KDM5A: variants seen among roughly 807,000 people sequenced by gnomAD.
KDM5A encodes lysine demethylase 5A.
KDM5A carries 42 observed loss-of-function variants against 193.5 expected under a neutral mutation model. That is an observed-to-expected ratio of 0.22 (90% CI 0.17 to 0.28). The LOEUF (loss-of-function observed/expected upper bound fraction) is 0.28, where lower values mean the gene tolerates loss of function less well. Ranked by LOEUF, KDM5A falls within the 10% of genes least tolerant of loss-of-function variation. The pLI is 1.00. For missense variants in KDM5A, 1,692 were observed against 2,055.1 expected, an observed-to-expected ratio of 0.82 and a Z score of 3.42; for synonymous variants, 796 against 718.1, an observed-to-expected ratio of 1.11 and a Z score of -1.73.
At chr12:315,971 T>C (rs1943646621) in intron 19 of KDM5A, among the ~76,000 whole-genome samples, 1 of 152,058 alleles carries the variant, frequency 6.6e-6, no homozygotes, top group African/African-American at 2.4e-5. Context: ...AGCCAAGAAA[T>C]TAAATGAAAT....
chr12:330,054 A>AGTGTGTGTGTGTGTGT (rs148451707), intron 13 of KDM5A, among the ~76,000 whole-genome samples: 183 of 142,332 alleles, frequency 1.3e-3, no homozygotes, highest in Admixed American at 0.012. Context: ...CAAAGGAAAA[A>AGTGTGTGTGTGTGTGT]GTGTGTGTGT....
rs1182592326 is a variant in KDM5A at position 320,505 on chromosome 12, A to G, written c.2541+490T>C. On this transcript the variant is annotated intron_variant, in intron 18 of 27. Transcript: ENST00000399788. Reference sequence around the variant, plus strand: ...AGCGAGACTCCCATCTCAAAAACAAAAACAAAAATAAAAAACACTATTTTA... The same window carrying G: ...AGCGAGACTCCCATCTCAAAAACAAGAACAAAAATAAAAAACACTATTTTA... 2.0e-5 allele frequency among the ~76,000 whole-genome samples: 3 copies of G among 152,298 alleles called. No homozygotes were observed. In the East Asian group the frequency reaches 5.8e-4, roughly 29 times the overall value.
In KDM5A at chr12:354,054, T is replaced by A. The variant is rs777341780; in HGVS notation, c.1029+22A>T. On this transcript the variant is annotated intron_variant, in intron 8 of 27. Transcript: ENST00000399788. ...ATTATTATTTTTAGTTAAAAAAGGATCCATAGAGGTTAGACGTGTACCTCG... is the reference window on the plus strand; with the variant it reads ...ATTATTATTTTTAGTTAAAAAAGGAACCATAGAGGTTAGACGTGTACCTCG... The A allele has an allele frequency of 5.0e-6, 8 of 1,598,312 alleles. No individual in the cohort carries two copies. In the South Asian group the frequency reaches 8.8e-5, roughly 18 times the overall value.
Position 297,219 on chromosome 12 carries a change from G to T in KDM5A, c.4075-19C>A. The T allele has an allele frequency of 6.2e-7, 1 of 1,612,684 alleles. No homozygotes were observed. Among genetic ancestry groups the T allele is most frequent in the Non-Finnish European group, 8.5e-7 (1 of 1,178,940 alleles). ...CTGTGTCCTGAAGAAGAAACAAAGA[G>T]AAGTATTCAGAATTAGAGTCATTTA... On this transcript the variant is annotated intron_variant, in intron 24 of 27. Coordinates refer to ENST00000399788, the MANE Select transcript of KDM5A (RefSeq NM_001042603.3).
chr12:356,287 A>C, intron 6 of KDM5A, 145 bp downstream of exon 6: 1 of 658,182 alleles, frequency 1.5e-6, no homozygotes, highest in South Asian at 1.7e-5. Flanking sequence ...TCTGGCATTA[A>C]AAAAGGCGAT....
Position 307,914 on chromosome 12 carries a change from C to A in KDM5A, c.3470G>T (p.Arg1157Leu), listed in dbSNP as rs779176655. 6.2e-7 allele frequency: 1 copy of A among 1,614,144 alleles called. No homozygotes were observed. Residue 1157 changes from arginine (R) to leucine (L), a missense_variant, in exon 23 of 28, where the codon CGC becomes CTC. Around this residue, in one of 11 missense-constraint regions of KDM5A, gnomAD observed 965 missense variants for 1,061.0 expected, o/e 0.91. Coordinates refer to ENST00000399788, the MANE Select transcript of KDM5A (RefSeq NM_001042603.3). The surrounding 1 kb of genome is among the most constrained non-coding windows in gnomAD (Gnocchi z 4.3). ...ANLAKMTMVD[R>L]IEEVKFCICR... ...AATGCAAAATTTTACTTCTTCTATG[C>A]GGTCCACCATTGTCATCTTGGCTAG...
intron 19 of KDM5A, among the ~76,000 whole-genome samples, chr12:317,549 T>C (rs1290937522): frequency 6.6e-6 from 1 of 152,252 alleles, no homozygotes; most frequent in African/African-American, 2.4e-5. Context: ...CCTAACAAAG[T>C]ACTCTGCACA....
intron 24 of KDM5A, among the ~76,000 whole-genome samples, chr12:299,588 A>C (rs1943416996): frequency 6.6e-6 from 1 of 152,228 alleles, no homozygotes; most frequent in South Asian, 2.1e-4. Flanking sequence ...AGTCACTGGA[A>C]AAAACATACC....
chr12:322,146 G>A (rs1183834518), intron 17 of KDM5A: 2 of 411,954 alleles, frequency 4.9e-6, no homozygotes, highest in African/African-American at 4.0e-5. Context: ...ACGGTGGGAA[G>A]AGAACTCCAA....
chr12:345,063 C>T (rs1241462395), intron 10 of KDM5A, among the ~76,000 whole-genome samples: 6 of 151,276 alleles, frequency 4.0e-5, no homozygotes, highest in African/African-American at 7.3e-5. Context: ...AATAAAGGGA[C>T]GGAGGAAGAT....
chr12:380,839 A>G lies in KDM5A; in HGVS notation c.366+3192T>C, dbSNP rs374821977. Among the ~76,000 whole-genome samples, 31 of 152,258 alleles carry G rather than the reference A, an allele frequency of 2.0e-4. No homozygotes were observed. In the East Asian group the frequency reaches 5.6e-3, roughly 28 times the overall value. ...AGACACAGTTTCACTCTTGTTGCCC[A>G]GGCTGGAGTGCAGTGGTACTATCTC... On this transcript the variant is annotated intron_variant, in intron 3 of 27. Transcript: ENST00000399788.
At chr12:312,526 G>A (rs1293618880) in intron 20 of KDM5A, among the ~76,000 whole-genome samples, 1 of 152,044 alleles carries the variant, frequency 6.6e-6, no homozygotes, top group Non-Finnish European at 1.5e-5. Context: ...ATCTTTCATA[G>A]CAAGGAGTCA....
intron 9 of KDM5A, among the ~76,000 whole-genome samples, chr12:351,329 G>C (rs1041332777): frequency 1.3e-5 from 2 of 151,992 alleles, no homozygotes; most frequent in African/African-American, 4.8e-5. Context: ...CTGCTCCTGT[G>C]TTAGTTTGCT....
At position 299,885 on chromosome 12, in the gene KDM5A, G is replaced by A. The variant is rs182147691; in HGVS notation, c.4075-2685C>T. Among the ~76,000 whole-genome samples, 323 of 150,346 alleles carry A rather than the reference G, an allele frequency of 2.1e-3. 1 individual carries two copies. The highest frequency in any genetic ancestry group is 1.4e-3 in the Non-Finnish European group (92 of 67,798). ...AATGGAAAACAAAAAAAAAGCAGGA[G>A]TTGCAATCCCAGTCTCTGATAAAAC... On this transcript the variant is annotated intron_variant, in intron 24 of 27. Transcript: ENST00000399788.
At position 288,632 on chromosome 12, in the gene KDM5A, A is replaced by G. The variant is rs1313545296; in HGVS notation, c.4867-2970T>C. Among the ~76,000 whole-genome samples, 3 of 152,248 alleles carry G rather than the reference A, an allele frequency of 2.0e-5. No homozygotes were observed. The East Asian group carries it at 5.8e-4, about 29-fold the overall frequency. On this transcript the variant is annotated intron_variant, in intron 27 of 27. Transcript: ENST00000399788. ...GGTAATTTAGTGATATTCTTAGCTT[A>G]CTAATTAAACTGAGCTTTTGTTATT...
intron 3 of KDM5A, among the ~76,000 whole-genome samples, chr12:371,738 C>G (rs1389383801): frequency 3.9e-5 from 6 of 152,098 alleles, no homozygotes; most frequent in Non-Finnish European, 7.4e-5. Flanking sequence ...GGTTTTAGGT[C>G]TAACATTTAA....
At chr12:375,695 C>G (rs984038337) in intron 3 of KDM5A, among the ~76,000 whole-genome samples, 4 of 152,180 alleles carry the variant, frequency 2.6e-5, no homozygotes, top group African/African-American at 9.7e-5. Context: ...TCTGCTTTTT[C>G]CCCATCTTTG....
At chr12:288,161 C>T (rs1460326867) in intron 27 of KDM5A, among the ~76,000 whole-genome samples, 1 of 152,120 alleles carries the variant, frequency 6.6e-6, no homozygotes, top group Non-Finnish European at 1.5e-5. Flanking sequence ...GTGTGAAAGG[C>T]CCACAGCAAC....
intron 3 of KDM5A, among the ~76,000 whole-genome samples, chr12:374,550 A>C (rs1373094809): frequency 2.6e-5 from 4 of 152,190 alleles, no homozygotes; most frequent in African/African-American, 9.7e-5. Flanking sequence ...GTGTCTTTTA[A>C]CTGGAGCATT....
Sources: allele counts gnomAD v4.1 joint callset (sites outside exome capture counted in the v4.1 genomes callset), GRCh38; gene constraint gnomAD v4.1.1; regional missense constraint gnomAD v4.1.1; non-coding constraint Gnocchi (gnomAD v3.1); transcripts MANE v1.5; gene names NCBI Gene and HGNC (gene_info 2026-07-23, HGNC 2026-07-21).